The following ZFHX3 variants were observed in gnomAD, a reference collection of about 807,000 sequenced individuals.
The protein encoded by ZFHX3 is zinc finger homeobox 3.
ZFHX3 carries 42 observed loss-of-function variants against 279.1 expected under a neutral mutation model. The observed-to-expected ratio is 0.15, with a 90% CI of 0.12 to 0.19. The LOEUF (loss-of-function observed/expected upper bound fraction) is 0.19. ZFHX3 is among the 10% of genes least tolerant of loss of function. The pLI is 1.00. For missense variants in ZFHX3, 4,981 were observed against 4,754.0 expected, an observed-to-expected ratio of 1.05 and a Z score of -1.40; for synonymous variants, 2,293 against 1,957.8, an observed-to-expected ratio of 1.17 and a Z score of -4.52.
intron 3 of ZFHX3, among the ~76,000 whole-genome samples, chr16:72,947,886 G>A (rs896348947): frequency 1.3e-5 from 2 of 152,176 alleles, no homozygotes; most frequent in African/African-American, 4.8e-5. Flanking sequence ...ATTAGCAAGA[G>A]GAAAAATAAC....
At chr16:73,201,153 T>C (rs1968259317) in intron 5 of ZFHX3, among the ~76,000 whole-genome samples, 1 of 152,156 alleles carries the variant, frequency 6.6e-6, no homozygotes, top group Non-Finnish European at 1.5e-5. Context: ...GCTGAGACAG[T>C]GAGAGCCAAA....
Position 72,787,545 on chromosome 16 carries a change from G to T in ZFHX3, c.10731C>A (p.Cys3577Ter), listed in dbSNP as rs2035458836. Residue 3577 changes from cysteine to a stop codon, truncating the protein, a stop_gained, in exon 10 of 10, where the codon TGC (cysteine) becomes TGA (stop). Transcript: ENST00000268489. LOFTEE classifies it high-confidence loss of function. ...EHPSLLPHSA[C>*]FPDPSTASTS... Reference sequence around the variant, plus strand: ...TAGATGCGGTGCTAGGATCGGGGAAGCAGGCAGAGTGAGGTAATAAACTAG... The same window carrying T: ...TAGATGCGGTGCTAGGATCGGGGAATCAGGCAGAGTGAGGTAATAAACTAG... The T allele has an allele frequency of 6.2e-7, 1 of 1,613,988 alleles. No individual in the cohort carries two copies. Among genetic ancestry groups the T allele is most frequent in the South Asian group, 1.1e-5 (1 of 91,080 alleles).
chr16:72,873,699 A>G (rs1243985432), intron 4 of ZFHX3, among the ~76,000 whole-genome samples: 2 of 152,214 alleles, frequency 1.3e-5, no homozygotes, highest in Admixed American at 1.3e-4. Context: ...AAACAGAGAA[A>G]GTATGAAGAC....
At chr16:73,379,227 A>G (rs1055609763) in intron 3 of ZFHX3, among the ~76,000 whole-genome samples, 10 of 152,142 alleles carry the variant, frequency 6.6e-5, no homozygotes, top group African/African-American at 2.2e-4. Context: ...TGTTAAGGGC[A>G]AGTAGAGGTT....
intron 2 of ZFHX3, among the ~76,000 whole-genome samples, chr16:73,675,962 G>C: frequency 6.6e-6 from 1 of 151,730 alleles, no homozygotes; most frequent in East Asian, 1.9e-4. Context: ...TCTAAACAAA[G>C]AATTTAAAAA....
rs553062984 is a variant in ZFHX3 at position 73,316,602 on chromosome 16, G to A, written c.-1194+1638C>T. Among the ~76,000 whole-genome samples the A allele has an allele frequency of 3.7e-4, 56 of 152,244 alleles. No homozygotes were observed. The South Asian group carries it at 5.0e-3, about 14-fold the overall frequency. On this transcript the variant is annotated intron_variant, in intron 4 of 17. Transcript: ENST00000641206. ...TTTTCTACCAAATAATATTCCATGT[G>A]CCTTGAAAGAAAGGATCTCGTCTTA...
chr16:73,481,652 G>GTTTGTTTGTTTGTT (rs2018871934), intron 2 of ZFHX3, among the ~76,000 whole-genome samples: 1 of 90,520 alleles, frequency 1.1e-5, no homozygotes, highest in African/African-American at 5.8e-5. Flanking sequence ...GTTTGTTTTT[G>GTTTGTTTGTTTGTT]TTTGTTTGTT....
intron 2 of ZFHX3, among the ~76,000 whole-genome samples, chr16:73,575,883 G>T (rs142671537): frequency 6.6e-6 from 1 of 152,120 alleles, no homozygotes; most frequent in Non-Finnish European, 1.5e-5. Context: ...AGTTCACACC[G>T]CGATGATTGT....
At chr16:72,838,502 G>C (rs1426402341) in intron 4 of ZFHX3, among the ~76,000 whole-genome samples, 1 of 152,318 alleles carries the variant, frequency 6.6e-6, no homozygotes, top group Non-Finnish European at 1.5e-5. Context: ...AAAGTGGCCA[G>C]GGCCTATTAA....
intron 1 of ZFHX3, among the ~76,000 whole-genome samples, chr16:73,018,722 T>C (rs180925516): frequency 3.4e-4 from 52 of 152,360 alleles, no homozygotes; most frequent in Middle Eastern, 3.4e-3. Flanking sequence ...TCTGAGAATC[T>C]GAACTGTCTC....
chr16:73,002,196 C>T (rs532523654), intron 1 of ZFHX3, among the ~76,000 whole-genome samples: 10 of 152,304 alleles, frequency 6.6e-5, no homozygotes, highest in Admixed American at 1.3e-4. Flanking sequence ...TAGCACGTGA[C>T]TCTTTAGGGA....
intron 3 of ZFHX3, among the ~76,000 whole-genome samples, chr16:73,369,598 C>G (rs925310992): frequency 6.6e-6 from 1 of 152,106 alleles, no homozygotes; most frequent in African/African-American, 2.4e-5. Flanking sequence ...TGAAAAAGTC[C>G]GGCTCCACCA....
chr16:73,560,501 T>C (rs1025015381), intron 2 of ZFHX3, among the ~76,000 whole-genome samples: 10 of 152,210 alleles, frequency 6.6e-5, no homozygotes, highest in Admixed American at 6.5e-4. Context: ...TCTTCTCTTA[T>C]ATTACCCCAT....
chr16:73,888,576 C>A (rs1318238436), intron 1 of ZFHX3, among the ~76,000 whole-genome samples: 1 of 152,150 alleles, frequency 6.6e-6, no homozygotes. Context: ...GAGAAAATAT[C>A]AGCTAAAAAT....
At chr16:73,506,081 G>A (rs762443107) in intron 2 of ZFHX3, among the ~76,000 whole-genome samples, 35 of 152,286 alleles carry the variant, frequency 2.3e-4, no homozygotes, top group African/African-American at 6.5e-4. Flanking sequence ...AAACTTCACC[G>A]TTTTGCAGAC....
rs564404373 is a variant in ZFHX3 at position 73,531,747 on chromosome 16, C to A, written c.-1546-75489G>T. On this transcript the variant is annotated intron_variant, in intron 2 of 17. Coordinates refer to the ZFHX3 transcript ENST00000641206. Reference sequence around the variant, plus strand: ...AAAAAAAAAAAAAAAAGAATATTTCCTTTGATGGATGTGAACTGCAGATTT... The same window carrying A: ...AAAAAAAAAAAAAAAAGAATATTTCATTTGATGGATGTGAACTGCAGATTT... Among the ~76,000 whole-genome samples the A allele has an allele frequency of 1.0e-4, 15 of 145,158 alleles. No homozygotes were observed. The East Asian group carries it at 2.7e-3, about 26-fold the overall frequency.
chr16:73,769,867 A>C (rs1278470505), intron 1 of ZFHX3, among the ~76,000 whole-genome samples: 1 of 152,228 alleles, frequency 6.6e-6, no homozygotes, highest in Non-Finnish European at 1.5e-5. Context: ...CCAGTGATAA[A>C]CAGAACTCTC....
intron 1 of ZFHX3, among the ~76,000 whole-genome samples, chr16:73,844,323 T>C (rs1489803123): frequency 6.6e-6 from 1 of 152,198 alleles, no homozygotes; most frequent in Non-Finnish European, 1.5e-5. Context: ...TTGCTACTGG[T>C]ACTTGGACTT....
At position 73,331,707 on chromosome 16, in the gene ZFHX3, G is replaced by A. The variant is rs966193237; in HGVS notation, c.-1290-13371C>T. Among the ~76,000 whole-genome samples the A allele has an allele frequency of 5.3e-5, 8 of 152,162 alleles. No individual in the cohort carries two copies. The South Asian group carries it at 6.2e-4, about 12-fold the overall frequency. On this transcript the variant is annotated intron_variant, in intron 3 of 17. Coordinates refer to the ZFHX3 transcript ENST00000641206. ...GTATACTAAAATAACACATTTGTACGCCAGTTCTGCTACATTCCCAGGGAC... is the reference window on the plus strand; with the variant it reads ...GTATACTAAAATAACACATTTGTACACCAGTTCTGCTACATTCCCAGGGAC...
Sources: gnomAD v4.1 joint callset for allele counts (sites outside exome capture counted in the v4.1 genomes callset) on GRCh38, gnomAD v4.1.1 for gene constraint, MANE v1.5 for transcripts, NCBI Gene and HGNC (gene_info 2026-07-23, HGNC 2026-07-21) for gene names.